Variants in NETO1 observed in about 807,000 individuals in gnomAD.
NETO1 encodes neuropilin and tolloid like 1.
NETO1 carries 26 observed loss-of-function variants against 61.3 expected under a neutral mutation model. The ratio of observed to expected loss-of-function variants is 0.42; its 90% confidence interval spans 0.31 to 0.59. NETO1 has a LOEUF of 0.59. Among genes scored for constraint, NETO1 ranks in the 20% least tolerant of loss-of-function variants. The pLI is 0.12. For synonymous variants in NETO1, 225 were observed against 225.8 expected (o/e 1.00, Z 0.03); for missense variants, 531 against 662.8 (o/e 0.80, Z 2.18).
At chr18:72,834,913 A>C in intron 4 of NETO1, 1 of 755,872 alleles carries the variant, frequency 1.3e-6, no homozygotes, top group Non-Finnish European at 1.6e-6. Context: ...TAATCTTTTA[A>C]TATCATATAT....
intron 7 of NETO1, among the ~76,000 whole-genome samples, chr18:72,769,719 T>C (rs2071286115): frequency 6.6e-6 from 1 of 152,156 alleles, no homozygotes; most frequent in Admixed American, 6.6e-5. Context: ...TCCCATGTAG[T>C]TACAAGAGTA....
chr18:72,831,300 C>A (rs1374290311), intron 4 of NETO1, among the ~76,000 whole-genome samples: 1 of 152,160 alleles, frequency 6.6e-6, no homozygotes, highest in African/African-American at 2.4e-5. Context: ...ACTGAAGCCA[C>A]AACAATGAAT....
At chr18:72,773,254 A>G (rs1027585347) in intron 7 of NETO1, among the ~76,000 whole-genome samples, 10 of 152,032 alleles carry the variant, frequency 6.6e-5, no homozygotes, top group Admixed American at 5.9e-4. Context: ...AAGTTCTTCA[A>G]TTTTAGAGAG....
intron 7 of NETO1, among the ~76,000 whole-genome samples, chr18:72,773,539 T>A (rs1486012782): frequency 6.6e-6 from 1 of 152,058 alleles, no homozygotes; most frequent in Admixed American, 6.6e-5. Flanking sequence ...AATCCCCAGG[T>A]GTCAAGCGCA....
chr18:72,742,875 G>A (rs1599066542), downstream of NETO1: 1 of 152,158 alleles, frequency 6.6e-6, no homozygotes, highest in Non-Finnish European at 1.5e-5. Flanking sequence ...TTTGGCATGT[G>A]ACCCTCAGTA....
intron 4 of NETO1, among the ~76,000 whole-genome samples, chr18:72,857,020 A>C (rs1476445662): frequency 1.3e-5 from 2 of 152,182 alleles, no homozygotes; most frequent in African/African-American, 4.8e-5. Context: ...TTTCTAGAAG[A>C]GGTGTAGATG....
intron 3 of NETO1, among the ~76,000 whole-genome samples, chr18:72,859,696 G>A (rs1460248620): frequency 6.6e-6 from 1 of 152,150 alleles, no homozygotes; most frequent in Non-Finnish European, 1.5e-5. Context: ...CAGAGAGCCT[G>A]AGCTCAGACC....
At chr18:72,828,148 A>G (rs1364299628) in intron 4 of NETO1, among the ~76,000 whole-genome samples, 4 of 152,300 alleles carry the variant, frequency 2.6e-5, no homozygotes, top group South Asian at 2.1e-4. Flanking sequence ...CCCCGTCTCT[A>G]CTAAATACAA....
At chr18:72,769,924 A>C (rs1395956417) in intron 7 of NETO1, among the ~76,000 whole-genome samples, 1 of 152,066 alleles carries the variant, frequency 6.6e-6, no homozygotes, top group Non-Finnish European at 1.5e-5. Context: ...TCCTAGAGGT[A>C]GTATTTCTGA....
chr18:72,779,172 T>G (rs72966353), intron 7 of NETO1, among the ~76,000 whole-genome samples: 5,214 of 152,164 alleles, frequency 0.034, 116 homozygotes, highest in African/African-American at 0.059. Flanking sequence ...AACTTTTACT[T>G]CATGGGTGTA....
At chr18:72,860,386 G>A (rs961586453) in intron 3 of NETO1, among the ~76,000 whole-genome samples, 2 of 152,136 alleles carry the variant, frequency 1.3e-5, no homozygotes, top group African/African-American at 4.8e-5. Context: ...CATCATCCAT[G>A]ATGACCTAAA....
At chr18:72,791,251 A>C (rs145334331) in intron 6 of NETO1, among the ~76,000 whole-genome samples, 2 of 152,328 alleles carry the variant, frequency 1.3e-5, no homozygotes, top group East Asian at 3.9e-4. Context: ...ATGTGTATAC[A>C]TTTTAATAGA....
chr18:72,828,203 C>G (rs146108653), intron 4 of NETO1, among the ~76,000 whole-genome samples: 3 of 152,014 alleles, frequency 2.0e-5, no homozygotes, highest in Admixed American at 1.3e-4. Context: ...CTTAGCTACT[C>G]GGGAAGCTGA....
Position 72,831,209 on chromosome 18 carries a change from C to G in NETO1, c.469+27617G>C, listed in dbSNP as rs534974921. Among the ~76,000 whole-genome samples the G allele has an allele frequency of 8.5e-5, 13 of 152,334 alleles. 1 individual carries two copies. In the South Asian group the frequency reaches 2.7e-3, roughly 32 times the overall value. On this transcript the variant is annotated intron_variant, in intron 4 of 10. Transcript: ENST00000327305. ...GCAATACCATCCACATCCATGATTTCTACCACCACCTCCATACCAGTGACT... is the reference window on the plus strand; with the variant it reads ...GCAATACCATCCACATCCATGATTTGTACCACCACCTCCATACCAGTGACT...
At chr18:72,788,239 G>A (rs759942674) in intron 6 of NETO1, among the ~76,000 whole-genome samples, 4 of 152,022 alleles carry the variant, frequency 2.6e-5, no homozygotes, top group African/African-American at 4.8e-5. Flanking sequence ...AATCACTGCC[G>A]TCACTAGATC....
intron 4 of NETO1, among the ~76,000 whole-genome samples, chr18:72,838,885 C>T (rs867235286): frequency 2.6e-5 from 4 of 152,090 alleles, no homozygotes; most frequent in Middle Eastern, 6.8e-3. Context: ...TTCTCTCAAC[C>T]GTAAAGTTTT....
chr18:72,800,041 TAGC>T (rs1384562512), intron 4 of NETO1, among the ~76,000 whole-genome samples: 6 of 152,180 alleles, frequency 3.9e-5, no homozygotes, highest in Non-Finnish European at 8.8e-5. Context: ...TTTCAAACAT[TAGC>T]AGAGATTTTG....
At chr18:72,781,433 TTCC>T (rs918468699) in intron 7 of NETO1, among the ~76,000 whole-genome samples, 3 of 152,172 alleles carry the variant, frequency 2.0e-5, no homozygotes, top group African/African-American at 7.2e-5. Flanking sequence ...TGAAAAAATT[TTCC>T]TCAAGTATTT....
chr18:72,749,469 T>C (rs2070519607), intron 9 of NETO1, among the ~76,000 whole-genome samples: 1 of 152,192 alleles, frequency 6.6e-6, no homozygotes, highest in Non-Finnish European at 1.5e-5. Flanking sequence ...CAAATGTTTC[T>C]ACTATTTCTT....
Sources: allele counts gnomAD v4.1 joint callset (sites outside exome capture counted in the v4.1 genomes callset), GRCh38; gene constraint gnomAD v4.1.1; transcripts MANE v1.5; gene names NCBI Gene and HGNC (gene_info 2026-07-23, HGNC 2026-07-21).